COPZ1: variants seen among roughly 807,000 people sequenced by gnomAD.
COPZ1 encodes the protein coat protein complex I subunit zeta 1, also known as coatomer subunit zeta-1.
Under a neutral mutation model 31.7 loss-of-function variants are expected in COPZ1, and 4 were observed. The ratio of observed to expected loss-of-function variants is 0.13; its 90% CI spans 0.06 to 0.29. The LOEUF (loss-of-function observed/expected upper bound fraction) is 0.29. Ranked by LOEUF, COPZ1 falls within the 10% of genes least tolerant of loss-of-function variation. The probability of loss-of-function intolerance (pLI) is 1.00; values close to 1 mark genes in which losing one functional copy is unlikely to be tolerated. For missense variants in COPZ1, 156 were observed against 211.5 expected (o/e 0.74, Z 1.63); for synonymous variants, 74 against 79.0 (o/e 0.94, Z 0.33).
In COPZ1 at chr12:54,350,241, A is replaced by G. The variant is rs1458135921; in HGVS notation, c.487-235A>G. On this transcript the variant is annotated intron_variant, in intron 8 of 8. Coordinates refer to ENST00000262061, the MANE Select transcript of COPZ1 (RefSeq NM_016057.3). The stretch of plus-strand genomic sequence containing the variant: ...AACTCCCTTTTTTTTTTTCTTTTAT[A>G]CCAGGTATACCTCTTCTCTCTTCAT... The G allele has an allele frequency of 4.3e-6, 3 of 698,318 alleles. No individual in the cohort carries two copies. In the South Asian group the frequency reaches 4.4e-5, roughly 10 times the overall value. The allele number at this position is 698,318 out of a possible 1,614,324, so 43.3% of individuals were successfully genotyped here. A position where few individuals can be genotyped will look rare whatever the true frequency, so the allele number is the denominator to read the frequency against.
At chr12:54,342,925 C>T (rs527435589) in intron 3 of COPZ1, among the ~76,000 whole-genome samples, 33 of 147,362 alleles carry the variant, frequency 2.2e-4, no homozygotes, top group African/African-American at 7.6e-4. Context: ...GGCGAGATCT[C>T]GGCTCCCTGC....
intron 1 of COPZ1, among the ~76,000 whole-genome samples, chr12:54,328,248 C>A (rs1229278623): frequency 6.8e-6 from 1 of 147,824 alleles, no homozygotes; most frequent in Non-Finnish European, 1.5e-5. Flanking sequence ...TGCACTCCAG[C>A]CCAGGCGACA....
rs1271761238 is a variant in COPZ1 at position 54,339,974 on chromosome 12, C to T, written c.19-573C>T. On this transcript the variant is annotated intron_variant, in intron 1 of 8. Transcript: ENST00000262061. ...CTAGGCTGCATTGAGAACTGGTGTG[C>T]CTGTGCGTGTGTGTGTGTGTGTGTG... 5.5e-5 allele frequency among the ~76,000 whole-genome samples: 7 copies of T among 127,616 alleles called. No individual in the cohort carries two copies. The South Asian group carries it at 1.1e-3, about 20-fold the overall frequency. The allele number at this position is 127,616 out of a possible 152,430, so 83.7% of individuals were successfully genotyped here.
chr12:54,345,390 G>C, intron 4 of COPZ1, 70 bp from the exon 5 acceptor site: 2 of 1,132,814 alleles, frequency 1.8e-6, no homozygotes, highest in Admixed American at 3.7e-5. Flanking sequence ...TGAATTAGGA[G>C]GTTTTGTTTT....
intron 1 of COPZ1, among the ~76,000 whole-genome samples, chr12:54,330,850 G>A (rs552277331): frequency 6.6e-5 from 10 of 152,326 alleles, no homozygotes; most frequent in African/African-American, 2.2e-4. Flanking sequence ...CACTTGTGCT[G>A]GAGTAATTAG....
intron 5 of COPZ1, among the ~76,000 whole-genome samples, chr12:54,346,855 C>CA (rs774002738): frequency 3.3e-5 from 5 of 152,052 alleles, no homozygotes; most frequent in Non-Finnish European, 7.4e-5. Context: ...GACCCTGTCT[C>CA]AAAAAACAAA....
At chr12:54,349,793 G>A in intron 8 of COPZ1, 135 bp downstream of exon 8, 1 of 816,378 alleles carries the variant, frequency 1.2e-6, no homozygotes, top group Non-Finnish European at 2.2e-6. Flanking sequence ...TCTTATTCCA[G>A]AGAACTGGGA....
chr12:54,350,277 G>A, intron 8 of COPZ1, 199 bp from the exon 9 acceptor site: 1 of 734,672 alleles, frequency 1.4e-6, no homozygotes, highest in South Asian at 1.4e-5. Flanking sequence ...CCCCTCAGTG[G>A]GTTTGAATTT....
At chr12:54,338,091 A>G (rs535889374) in intron 1 of COPZ1, among the ~76,000 whole-genome samples, 17 of 152,272 alleles carry the variant, frequency 1.1e-4, no homozygotes, top group Non-Finnish European at 2.1e-4. Context: ...GCCAAACTCT[A>G]TGGCTGCAAG....
intron 1 of COPZ1, among the ~76,000 whole-genome samples, chr12:54,339,496 C>T (rs953433159): frequency 2.6e-5 from 4 of 152,052 alleles, no homozygotes; most frequent in South Asian, 4.1e-4. Context: ...TATAGATGCA[C>T]GCCACCACAC....
At chr12:54,344,740 A>C (rs1030436940) in intron 4 of COPZ1, 3 of 150,988 alleles carry the variant, frequency 2.0e-5, no homozygotes, top group African/African-American at 7.3e-5. Context: ...TGGGTGACAG[A>C]GCCAGACTCT....
intron 1 of COPZ1, among the ~76,000 whole-genome samples, chr12:54,326,136 T>TATC (rs1474503354): frequency 7.2e-6 from 1 of 139,466 alleles, no homozygotes; most frequent in Non-Finnish European, 1.5e-5. Flanking sequence ...TTATTATTAT[T>TATC]ATTATTATTA....
chr12:54,347,624 A>C (rs1210863404), intron 5 of COPZ1, 143 bp from the exon 6 acceptor site: 1 of 688,492 alleles, frequency 1.5e-6, no homozygotes, highest in Non-Finnish European at 2.4e-6. Flanking sequence ...GAACTAGCTA[A>C]AAAGTTCTTC....
intron 1 of COPZ1, 37 bp downstream of exon 1, chr12:54,325,218 C>T: frequency 6.4e-7 from 1 of 1,550,686 alleles, no homozygotes; most frequent in Non-Finnish European, 8.7e-7. Context: ...GCTGTGGTGT[C>T]CACAGGGGCC....
intron 1 of COPZ1, among the ~76,000 whole-genome samples, chr12:54,336,999 G>A (rs1953880196): frequency 7.6e-6 from 1 of 131,740 alleles, no homozygotes. Context: ...TCCAGCCTGG[G>A]TGACAGAGAG....
intron 1 of COPZ1, chr12:54,337,142 TA>T (rs1319158826): frequency 3.8e-6 from 2 of 529,000 alleles, no homozygotes; most frequent in Non-Finnish European, 7.7e-6. Flanking sequence ...TTCTTGATAA[TA>T]AAAACATAAA....
At chr12:54,329,520 G>T (rs1039576529) in intron 1 of COPZ1, among the ~76,000 whole-genome samples, 2 of 152,066 alleles carry the variant, frequency 1.3e-5, no homozygotes, top group Non-Finnish European at 2.9e-5. Context: ...GGAGGCGGAG[G>T]TTGCAGTGAG....
chr12:54,347,919 A>G, intron 6 of COPZ1, 75 bp downstream of exon 6: 1 of 1,603,590 alleles, frequency 6.2e-7, no homozygotes, highest in Non-Finnish European at 8.5e-7. Context: ...AAGCAGGCTC[A>G]GTGGCCAGAG....
At chr12:54,349,278 T>C (rs1954109853) in intron 7 of COPZ1, among the ~76,000 whole-genome samples, 1 of 152,170 alleles carries the variant, frequency 6.6e-6, no homozygotes, top group African/African-American at 2.4e-5. Context: ...GATACTGATA[T>C]TCAGAAAAGG....
Sources: allele counts gnomAD v4.1 joint callset (sites outside exome capture counted in the v4.1 genomes callset), GRCh38; gene constraint gnomAD v4.1.1; transcripts MANE v1.5; gene names NCBI Gene and HGNC (gene_info 2026-07-23, HGNC 2026-07-21).